HOOK3: variants seen among roughly 807,000 people sequenced by gnomAD.
HOOK3 encodes the protein protein Hook homolog 3.
HOOK3 carries 24 observed loss-of-function variants against 116.3 expected under a neutral mutation model. That is an observed-to-expected ratio of 0.21 (90% CI 0.15 to 0.29). HOOK3 has a LOEUF of 0.29. Among genes scored for constraint, HOOK3 ranks in the 10% least tolerant of loss-of-function variants. HOOK3 has a pLI of 1.00. For missense variants in HOOK3, 632 were observed against 830.2 expected (o/e 0.76, Z 2.93); for synonymous variants, 275 against 283.0 (o/e 0.97, Z 0.28).
intron 19 of HOOK3, 75 bp from the exon 20 acceptor site, chr8:43,012,974 AAT>A: frequency 1.1e-6 from 1 of 877,486 alleles, no homozygotes; most frequent in Non-Finnish European, 1.8e-6. Context: ...ATTTTAAAAA[AAT>A]AGTCATTCTT....
Position 43,026,376 on chromosome 8 carries a change from C to T in HOOK3, c.*7878C>T, listed in dbSNP as rs576758715. The T allele has an allele frequency of 1.0e-5, 2 of 199,190 alleles. No homozygotes were observed. The highest frequency in any genetic ancestry group is 3.8e-4 in the South Asian group (2 of 5,216). 12.3% of individuals were successfully genotyped at this position (199,190 alleles called of 1,614,324 possible). ...TTACTAATATTAGATCATTATTTTC[C>T]CTCTTCCCCTCTACCTTTCTGGCAT... On this transcript the variant is annotated 3_prime_UTR_variant, in exon 22 of 22. Coordinates refer to ENST00000307602, the MANE Select transcript of HOOK3 (RefSeq NM_032410.4).
intron 15 of HOOK3, among the ~76,000 whole-genome samples, chr8:42,997,189 A>G (rs1339871377): frequency 6.6e-6 from 1 of 151,998 alleles, no homozygotes; most frequent in African/African-American, 2.4e-5. Context: ...ATGGGCCACC[A>G]CCCACTTCCT....
At chr8:42,945,785 T>G (rs1366712570) in intron 5 of HOOK3, among the ~76,000 whole-genome samples, 2 of 152,202 alleles carry the variant, frequency 1.3e-5, no homozygotes, top group Non-Finnish European at 2.9e-5. Flanking sequence ...GAGAAGGCTA[T>G]TCTCAGTAAG....
intron 19 of HOOK3, among the ~76,000 whole-genome samples, chr8:43,011,813 A>G (rs1167314923): frequency 2.6e-5 from 4 of 152,342 alleles, no homozygotes; most frequent in Middle Eastern, 6.8e-3. Flanking sequence ...CTGTGGTTCA[A>G]GGCTGCAGTG....
At chr8:42,948,537 C>T (rs548042300) in intron 5 of HOOK3, among the ~76,000 whole-genome samples, 3 of 152,306 alleles carry the variant, frequency 2.0e-5, no homozygotes, top group East Asian at 3.9e-4. Flanking sequence ...CCTCACCCCT[C>T]GAGTCCACTG....
chr8:42,966,035 A>G (rs1808626319), intron 9 of HOOK3, among the ~76,000 whole-genome samples: 1 of 152,218 alleles, frequency 6.6e-6, no homozygotes, highest in Non-Finnish European at 1.5e-5. Flanking sequence ...AAAACAGATA[A>G]TAGAATCACA....
rs944441485 is a variant in HOOK3, at chr8:43,008,948, C to T, written c.1738+1019C>T. Among the ~76,000 whole-genome samples the T allele has an allele frequency of 6.6e-5, 10 of 152,044 alleles. No individual in the cohort carries two copies. In the East Asian group the frequency reaches 1.6e-3, roughly 24 times the overall value. ...TGCTGGGATTACAGGCGTGAGCCAC[C>T]GCGCCCGGCCTAAATTTTTATTTAA... On this transcript the variant is annotated intron_variant, in intron 18 of 21. Transcript: ENST00000307602.
At chr8:42,934,349 TATCTC>T in intron 4 of HOOK3, among the ~76,000 whole-genome samples, 1 of 152,320 alleles carries the variant, frequency 6.6e-6, no homozygotes, top group African/African-American at 2.4e-5. Flanking sequence ...ATGTTTCTCT[TATCTC>T]TATGAGAATA....
At chr8:42,897,393 C>A in intron 1 of HOOK3, 1 of 323,258 alleles carries the variant, frequency 3.1e-6, no homozygotes, top group Non-Finnish European at 5.6e-6. Flanking sequence ...GGACCCCGGC[C>A]GGGGCTGGGC....
At position 42,906,164 on chromosome 8, in the gene HOOK3, T is replaced by G; in HGVS notation, c.58-9T>G. Reference sequence around the variant, plus strand: ...AATCTCTCCCCCCCCCCTCTTTTTTTCCCTTCAGATCCAGACATTTAATGT... The same window carrying G: ...AATCTCTCCCCCCCCCCTCTTTTTTGCCCTTCAGATCCAGACATTTAATGT... On this transcript the variant is annotated splice_polypyrimidine_tract_variant and intron_variant, in intron 1 of 21. Coordinates refer to ENST00000307602, the MANE Select transcript of HOOK3 (RefSeq NM_032410.4). 1.1e-6 allele frequency: 1 copy of G among 913,868 alleles called. No homozygotes were observed. The allele number at this position is 913,868 out of a possible 1,614,324, so 56.6% of individuals were successfully genotyped here.
Position 43,027,805 on chromosome 8 carries a change from A to G in HOOK3, c.*9307A>G, listed in dbSNP as rs1314857677. 1 of 206,780 alleles carries G rather than the reference A, an allele frequency of 4.8e-6. No homozygotes were observed. The allele number at this position is 206,780 out of a possible 1,614,324, so 12.8% of individuals were successfully genotyped here. Reference sequence around the variant, plus strand: ...TATAGTTTCTCAGTGGCCTAGCCACATTTCAAGTGTTCCACAGTCACATGT... The same window carrying G: ...TATAGTTTCTCAGTGGCCTAGCCACGTTTCAAGTGTTCCACAGTCACATGT... On this transcript the variant is annotated 3_prime_UTR_variant, in exon 22 of 22. Transcript: ENST00000307602.
chr8:42,903,912 C>T (rs888157163), intron 1 of HOOK3, among the ~76,000 whole-genome samples: 1 of 151,820 alleles, frequency 6.6e-6, no homozygotes, highest in African/African-American at 2.4e-5. Context: ...GCCGATATCG[C>T]GCCACTGCAC....
intron 1 of HOOK3, among the ~76,000 whole-genome samples, chr8:42,897,573 AAG>A (rs1338314976): frequency 6.6e-6 from 1 of 152,170 alleles, no homozygotes; most frequent in African/African-American, 2.4e-5. Flanking sequence ...CGGGAACTGA[AAG>A]GACCTGTGAG....
At chr8:42,989,969 C>A (rs2130456538) in intron 15 of HOOK3, among the ~76,000 whole-genome samples, 1 of 152,026 alleles carries the variant, frequency 6.6e-6, no homozygotes. Flanking sequence ...CTACATATAC[C>A]ACATTTTCTG....
intron 6 of HOOK3, among the ~76,000 whole-genome samples, chr8:42,956,210 A>ATAAG (rs1808430952): frequency 7.1e-6 from 1 of 141,440 alleles, no homozygotes; most frequent in Non-Finnish European, 1.6e-5. Flanking sequence ...TCTTTGCAAC[A>ATAAG]TAAGGATTAG....
chr8:42,998,570 C>T (rs778825201), intron 16 of HOOK3, among the ~76,000 whole-genome samples: 2 of 151,858 alleles, frequency 1.3e-5, no homozygotes, highest in Non-Finnish European at 2.9e-5. Context: ...CAAAAGGAAC[C>T]GAAGAAAGGG....
chr8:43,002,710 G>A (rs1809403950), intron 17 of HOOK3, among the ~76,000 whole-genome samples: 2 of 152,162 alleles, frequency 1.3e-5, no homozygotes, highest in Non-Finnish European at 2.9e-5. Context: ...CTGTCTTTAA[G>A]AGACTTTAAG....
chr8:42,930,265 A>C, intron 4 of HOOK3, 93 bp downstream of exon 4: 1 of 1,101,156 alleles, frequency 9.1e-7, no homozygotes, highest in South Asian at 2.0e-5. Flanking sequence ...TGCTTTCAAA[A>C]TTAATAATCA....
chr8:42,919,751 G>A (rs1208392869), intron 2 of HOOK3, among the ~76,000 whole-genome samples: 1 of 152,212 alleles, frequency 6.6e-6, no homozygotes, highest in Non-Finnish European at 1.5e-5. Context: ...GACCAGCCCA[G>A]CCAACACGGT....
Sources: allele counts gnomAD v4.1 joint callset (sites outside exome capture counted in the v4.1 genomes callset), GRCh38; gene constraint gnomAD v4.1.1; transcripts MANE v1.5; gene names NCBI Gene and HGNC (gene_info 2026-07-23, HGNC 2026-07-21).